HS1BP3: variants seen among roughly 807,000 people sequenced by gnomAD.
The protein encoded by HS1BP3 is HCLS1 binding protein 3, also known as HCLS1-binding protein 3.
Under a neutral mutation model 33.5 loss-of-function variants are expected in HS1BP3, and 32 were observed. The ratio of observed to expected loss-of-function variants is 0.95; its 90% confidence interval spans 0.72 to 1.28. The LOEUF is 1.28. Ranked by LOEUF, HS1BP3 falls within the 50% of genes most tolerant of loss-of-function variation. The pLI is 0.00. For missense variants in HS1BP3, 486 were observed against 502.3 expected (o/e 0.97, Z 0.31); for synonymous variants, 187 against 209.2 (o/e 0.89, Z 0.92).
At chr2:20,629,583 G>A (rs182725601) in intron 4 of HS1BP3, among the ~76,000 whole-genome samples, 2 of 152,348 alleles carry the variant, frequency 1.3e-5, no homozygotes, top group African/African-American at 4.8e-5. Flanking sequence ...GGTGAGCACA[G>A]GGTTCATTGG....
downstream of HS1BP3, among the ~76,000 whole-genome samples, chr2:20,616,767 C>T (rs1474848476): frequency 6.6e-6 from 1 of 152,100 alleles, no homozygotes; most frequent in Non-Finnish European, 1.5e-5. Flanking sequence ...TCCTCTCCCC[C>T]TCTCCCCTCC....
At chr2:20,595,078 C>T (rs1387682734) in intron 3 of HS1BP3, among the ~76,000 whole-genome samples, 3 of 152,172 alleles carry the variant, frequency 2.0e-5, no homozygotes, top group Non-Finnish European at 4.4e-5. Flanking sequence ...GGGAGACATT[C>T]TTGTAGCCTG....
At chr2:20,563,340 G>A (rs1693048864) in intron 5 of HS1BP3, among the ~76,000 whole-genome samples, 1 of 152,224 alleles carries the variant, frequency 6.6e-6, no homozygotes, top group Admixed American at 6.5e-5. Context: ...GGTTCCCAGT[G>A]CAGGCCACTG....
chr2:20,646,569 G>C (rs571218748), intron 1 of HS1BP3, among the ~76,000 whole-genome samples: 30 of 152,250 alleles, frequency 2.0e-4, no homozygotes, highest in Admixed American at 5.9e-4. Flanking sequence ...CAATGACTGA[G>C]TGCTGTACAC....
At chr2:20,598,715 C>T (rs1223010547) in intron 2 of HS1BP3, among the ~76,000 whole-genome samples, 1 of 151,330 alleles carries the variant, frequency 6.6e-6, no homozygotes, top group Non-Finnish European at 1.5e-5. Context: ...CCCGCCACTA[C>T]GCCCGGCTAA....
chr2:20,586,281 A>C (rs1168291822), intron 5 of HS1BP3: 1 of 152,224 alleles, frequency 6.6e-6, no homozygotes, highest in African/African-American at 2.4e-5. Flanking sequence ...TTGGCGGGAA[A>C]GATCAGACAT....
At chr2:20,599,642 ACACACACT>A (rs1454706951) in intron 2 of HS1BP3, among the ~76,000 whole-genome samples, 33 of 145,932 alleles carry the variant, frequency 2.3e-4, no homozygotes, top group African/African-American at 8.3e-4. Context: ...ACACACACAC[ACACACACT>A]CTGTTTTTTT....
intron 5 of HS1BP3, among the ~76,000 whole-genome samples, chr2:20,576,233 G>A (rs1487126423): frequency 2.0e-5 from 3 of 152,092 alleles, no homozygotes; most frequent in East Asian, 1.9e-4. Context: ...CTCCTACCTC[G>A]GCCTCCAAAG....
chr2:20,606,584 C>T (rs1367063811), intron 2 of HS1BP3: 2 of 489,442 alleles, frequency 4.1e-6, no homozygotes, highest in Non-Finnish European at 8.2e-6. Flanking sequence ...CCCGGATTTG[C>T]TCACTGGGTC....
chr2:20,595,780 A>T (rs1693929315), intron 3 of HS1BP3, among the ~76,000 whole-genome samples: 2 of 152,246 alleles, frequency 1.3e-5, no homozygotes, highest in African/African-American at 4.8e-5. Context: ...CTGGGCAGGG[A>T]AGTGGGCAGA....
intron 2 of HS1BP3, chr2:20,606,453 T>C (rs111437407): frequency 2.5e-3 from 1,202 of 481,752 alleles, no homozygotes; most frequent in Non-Finnish European, 4.3e-3. Flanking sequence ...GCTGGGGTTA[T>C]AAGTTTACAG....
At chr2:20,648,753 T>C (rs1695593825) in intron 1 of HS1BP3, among the ~76,000 whole-genome samples, 1 of 152,220 alleles carries the variant, frequency 6.6e-6, no homozygotes, top group Admixed American at 6.5e-5. Flanking sequence ...TCCTTCCAGC[T>C]GCAGCTGCCT....
chr2:20,638,360 T>C lies in HS1BP3; in HGVS notation c.623+76A>G, dbSNP rs915991077. On this transcript the variant is annotated intron_variant, in intron 4 of 6. Coordinates refer to ENST00000304031, the MANE Select transcript of HS1BP3 (RefSeq NM_022460.4). ...TGGGATGCTCAGGGCTTTTCTCAGA[T>C]TCCAGGGAAGGGGGACGTCATCTCC... 3.5e-6 allele frequency: 5 copies of C among 1,421,102 alleles called. No homozygotes were observed. In the African/African-American group the frequency reaches 7.1e-5, roughly 20 times the overall value. The allele number at this position is 1,421,102 out of a possible 1,614,324, so 88.0% of individuals were successfully genotyped here.
intron 4 of HS1BP3, chr2:20,635,173 C>A (rs1291104873): frequency 1.3e-5 from 2 of 152,134 alleles, no homozygotes; most frequent in Non-Finnish European, 2.9e-5. Context: ...CTCTGGGGCA[C>A]GTATATAGGG....
intron 5 of HS1BP3, among the ~76,000 whole-genome samples, chr2:20,575,583 G>A (rs565783212): frequency 3.3e-5 from 5 of 152,304 alleles, no homozygotes; most frequent in South Asian, 2.1e-4. Context: ...TGGAGGCCCC[G>A]CCACATGCCA....
At chr2:20,582,196 GC>G (rs1314590212) in intron 5 of HS1BP3, among the ~76,000 whole-genome samples, 2 of 152,220 alleles carry the variant, frequency 1.3e-5, no homozygotes, top group Non-Finnish European at 2.9e-5. Flanking sequence ...CTTCCTGGAG[GC>G]GAAGGCTCCC....
At chr2:20,598,160 C>G (rs1023063283) in intron 3 of HS1BP3, 1 of 241,174 alleles carries the variant, frequency 4.1e-6, no homozygotes, top group Non-Finnish European at 9.1e-6. Flanking sequence ...CACTTTATTT[C>G]TATTATTATT....
intron 2 of HS1BP3, among the ~76,000 whole-genome samples, chr2:20,601,770 C>CCTT (rs1694074803): frequency 2.9e-5 from 2 of 69,122 alleles, no homozygotes; most frequent in Non-Finnish European, 5.1e-5. Flanking sequence ...AGTGTGTCTT[C>CCTT]TTTTTTTTTT....
intron 4 of HS1BP3, among the ~76,000 whole-genome samples, chr2:20,633,817 C>T (rs1411414441): frequency 6.6e-6 from 1 of 152,268 alleles, no homozygotes. Flanking sequence ...GCTGCTGCGT[C>T]CGGCCACGGC....
Sources: gnomAD v4.1 joint callset for allele counts (sites outside exome capture counted in the v4.1 genomes callset) on GRCh38, gnomAD v4.1.1 for gene constraint, MANE v1.5 for transcripts, NCBI Gene and HGNC (gene_info 2026-07-23, HGNC 2026-07-21) for gene names.